The following PRICKLE2 variants were observed in gnomAD, a reference collection of about 807,000 sequenced individuals.
PRICKLE2 encodes the protein prickle-like protein 2.
PRICKLE2 carries 21 observed loss-of-function variants against 81.4 expected under a neutral mutation model. The ratio of observed to expected loss-of-function variants is 0.26; its 90% confidence interval spans 0.18 to 0.37. PRICKLE2 has a LOEUF of 0.37. Ranked by LOEUF, PRICKLE2 falls within the 10% of genes least tolerant of loss-of-function variation. The pLI is 1.00. For synonymous variants in PRICKLE2, 456 were observed against 421.5 expected (o/e 1.08, Z -1.00); for missense variants, 940 against 1,109.0 (o/e 0.85, Z 2.16).
intron 7 of PRICKLE2, chr3:64,103,322 T>A (rs577672998): frequency 6.6e-6 from 1 of 152,246 alleles, no homozygotes; most frequent in African/African-American, 2.4e-5. Flanking sequence ...AACCAAACTG[T>A]CAACAGTCTC....
At chr3:64,187,432 A>G (rs771531156) in intron 2 of PRICKLE2, 1 of 152,222 alleles carries the variant, frequency 6.6e-6, no homozygotes. Context: ...CTCAAACTGC[A>G]TTGAAAACAC....
intron 2 of PRICKLE2, among the ~76,000 whole-genome samples, chr3:64,252,653 T>C (rs1287304594): frequency 6.6e-6 from 1 of 152,158 alleles, no homozygotes. Flanking sequence ...CGCATGACGG[T>C]GGGAAGAGGC....
intron 2 of PRICKLE2, among the ~76,000 whole-genome samples, chr3:64,182,329 A>G (rs1287458075): frequency 1.3e-5 from 2 of 152,044 alleles, no homozygotes; most frequent in Non-Finnish European, 2.9e-5. Context: ...TCTACAAAAA[A>G]TACAAAAAGT....
chr3:64,179,311 G>A (rs1213461844), intron 2 of PRICKLE2, among the ~76,000 whole-genome samples: 2 of 151,916 alleles, frequency 1.3e-5, no homozygotes, highest in Admixed American at 6.6e-5. Flanking sequence ...CACTACCTCA[G>A]GTGATCCGCC....
At chr3:64,255,064 C>T (rs1234525374) in intron 2 of PRICKLE2, among the ~76,000 whole-genome samples, 1 of 152,128 alleles carries the variant, frequency 6.6e-6, no homozygotes, top group Admixed American at 6.5e-5. Flanking sequence ...GCCTATCTAC[C>T]TCCCACATTT....
intron 2 of PRICKLE2, among the ~76,000 whole-genome samples, chr3:64,260,419 T>C (rs1472447989): frequency 1.3e-5 from 2 of 152,336 alleles, no homozygotes; most frequent in East Asian, 1.9e-4. Context: ...TCTAATTCTT[T>C]ATGTACAACA....
At chr3:64,266,796 A>G (rs2079716522) in intron 2 of PRICKLE2, among the ~76,000 whole-genome samples, 1 of 152,148 alleles carries the variant, frequency 6.6e-6, no homozygotes, top group African/African-American at 2.4e-5. Flanking sequence ...CACACCACCT[A>G]AACAACTGCA....
Position 64,225,187 on chromosome 3 carries a change from A to T in PRICKLE2, c.-318T>A. The stretch of plus-strand genomic sequence containing the variant: ...GGAATTCACCAAGCAAGAGAAAAAA[A>T]GTATGACTTCTACTCTTCCTCTAGA... On this transcript the variant is annotated 5_prime_UTR_variant, in exon 1 of 8. Transcript: ENST00000638394. 3 of 985,458 alleles carry T rather than the reference A, an allele frequency of 3.0e-6. No individual in the cohort carries two copies. Among genetic ancestry groups the T allele is most frequent in the Non-Finnish European group, 3.6e-6 (3 of 829,972 alleles). 61.0% of individuals were successfully genotyped at this position (985,458 alleles called of 1,614,324 possible).
In PRICKLE2 at chr3:64,188,983, T is replaced by C. The variant is rs534789464; in HGVS notation, c.144+9801A>G. Among the ~76,000 whole-genome samples, 108 of 152,370 alleles carry C rather than the reference T, an allele frequency of 7.1e-4. 1 individual carries two copies. Among genetic ancestry groups the C allele is most frequent in the Middle Eastern group, 3.4e-3 (1 of 294 alleles). Reference sequence around the variant, plus strand: ...CTTGTTATTCAGCTATTAAGTTGTCTGCATCCTTCACTAAACTGTCAGCTC... The same window carrying C: ...CTTGTTATTCAGCTATTAAGTTGTCCGCATCCTTCACTAAACTGTCAGCTC... On this transcript the variant is annotated intron_variant, in intron 2 of 7. Coordinates refer to ENST00000638394, the MANE Select transcript of PRICKLE2 (RefSeq NM_198859.4).
chr3:64,149,558 C>T (rs999691210), intron 6 of PRICKLE2, among the ~76,000 whole-genome samples: 3 of 152,188 alleles, frequency 2.0e-5, no homozygotes, highest in Admixed American at 1.3e-4. Flanking sequence ...TCTCCTGATG[C>T]GTAATGATAC....
chr3:64,244,930 C>A (rs180932108), intron 2 of PRICKLE2, among the ~76,000 whole-genome samples: 110 of 152,234 alleles, frequency 7.2e-4, no homozygotes, highest in Middle Eastern at 3.4e-3. Context: ...ATTTCAAAAC[C>A]AGGCTGCCAA....
At chr3:64,171,844 G>A (rs2077937096) in intron 2 of PRICKLE2, among the ~76,000 whole-genome samples, 1 of 152,144 alleles carries the variant, frequency 6.6e-6, no homozygotes, top group Non-Finnish European at 1.5e-5. Context: ...AAGGATGCAT[G>A]GAATAACTGT....
intron 7 of PRICKLE2, chr3:64,105,896 G>A (rs1003384486): frequency 6.6e-6 from 1 of 152,222 alleles, no homozygotes. Flanking sequence ...ATGACAGGAA[G>A]TGAGTACTAA....
upstream of PRICKLE2, among the ~76,000 whole-genome samples, chr3:64,227,283 C>T (rs1277024233): frequency 2.0e-5 from 3 of 151,686 alleles, no homozygotes; most frequent in Non-Finnish European, 4.4e-5. Flanking sequence ...TCTCCCCAGA[C>T]CTCAATATCC....
intron 2 of PRICKLE2, among the ~76,000 whole-genome samples, chr3:64,189,633 T>A (rs766503237): frequency 6.6e-6 from 1 of 152,216 alleles, no homozygotes; most frequent in Non-Finnish European, 1.5e-5. Flanking sequence ...GAAGATTTTG[T>A]ACCAAGGATT....
intron 2 of PRICKLE2, among the ~76,000 whole-genome samples, chr3:64,188,067 T>C (rs1210252919): frequency 1.3e-5 from 2 of 152,198 alleles, no homozygotes; most frequent in Non-Finnish European, 2.9e-5. Flanking sequence ...TGGGATTGGG[T>C]AGCTTCTGGG....
At chr3:64,253,422 A>G (rs2079478214) in intron 2 of PRICKLE2, among the ~76,000 whole-genome samples, 1 of 152,106 alleles carries the variant, frequency 6.6e-6, no homozygotes, top group Admixed American at 6.6e-5. Flanking sequence ...CGGTCACCCT[A>G]CCCACTTCCC....
chr3:64,193,087 A>C (rs950885732), intron 2 of PRICKLE2, among the ~76,000 whole-genome samples: 1 of 152,180 alleles, frequency 6.6e-6, no homozygotes, highest in Non-Finnish European at 1.5e-5. Context: ...AGAAGCTTAC[A>C]CATGACCACT....
chr3:64,198,998 G>GA, intron 1 of PRICKLE2, 31 bp from the exon 2 acceptor site: 1 of 1,605,996 alleles, frequency 6.2e-7, no homozygotes, highest in African/African-American at 1.3e-5. Context: ...AGGTGAGAAA[G>GA]AGGAAAAAAC....
Sources: allele counts gnomAD v4.1 joint callset (sites outside exome capture counted in the v4.1 genomes callset), GRCh38; gene constraint gnomAD v4.1.1; transcripts MANE v1.5; gene names NCBI Gene and HGNC (gene_info 2026-07-23, HGNC 2026-07-21).